The following CIAO3 variants were observed in gnomAD, a reference collection of about 807,000 sequenced individuals.
CIAO3 encodes the protein LET1 like/JFP15.
CIAO3 carries 45 observed loss-of-function variants against 51.5 expected under a neutral mutation model. That is an observed-to-expected ratio of 0.87 (90% CI 0.69 to 1.12). The LOEUF (loss-of-function observed/expected upper bound fraction) is 1.12. Ranked by LOEUF, CIAO3 falls within the 50% of genes most tolerant of loss-of-function variation. The pLI is 0.00. For synonymous variants in CIAO3, 314 were observed against 269.3 expected (o/e 1.17, Z -1.63); for missense variants, 668 against 632.5 (o/e 1.06, Z -0.60).
chr16:733,344 GA>G lies in CIAO3; in HGVS notation c.776del (p.Phe259SerfsTer86). ...CATCCCGTGTCTGGTGCTCCTGGTT[GA>G]AAAAGTCGGGTCTGGAGGCTTCCAG... ...KKLEASRPDF[F>X]NQEHQTRDVD... On this transcript the variant is annotated frameshift_variant, in exon 7 of 11. Transcript: ENST00000251588. LOFTEE classifies it high-confidence loss of function. 1 of 1,613,856 alleles carries G rather than the reference GA, an allele frequency of 6.2e-7. No homozygotes were observed. Among genetic ancestry groups the G allele is most frequent in the South Asian group, 1.1e-5 (1 of 91,090 alleles).
In CIAO3 at chr16:734,856, A is replaced by T. The variant is rs141771283; in HGVS notation, c.455T>A (p.Phe152Tyr). 2.7e-4 allele frequency: 427 copies of T among 1,566,704 alleles called. No homozygotes were observed. The African/African-American group carries it at 5.3e-3, about 19-fold the overall frequency. ...FFKKIGVHFV[F>Y]DTAFSRHFSL... ...GAAGTGCCTTGAGAAGGCGGTGTCG[A>T]AGACGAAGTGCACCCCTGGAAGGTG... is the stretch of plus-strand genomic sequence containing the variant. Residue 152 changes from phenylalanine to tyrosine, a missense_variant, in exon 5 of 11, where the codon TTC (phenylalanine) becomes TAC (tyrosine). Coordinates refer to ENST00000251588, the MANE Select transcript of CIAO3 (RefSeq NM_022493.3).
Position 731,628 on chromosome 16 carries a change from A to G in CIAO3, c.971T>C (p.Phe324Ser), listed in dbSNP as rs570351251. The G allele has an allele frequency of 1.3e-6, 2 of 1,561,648 alleles. No homozygotes were observed. Among genetic ancestry groups the G allele is most frequent in the Admixed American group, 3.8e-5 (2 of 52,928 alleles). The change falls in exon 9 of 11, where the codon TTC becomes TCC. Residue 324 changes from phenylalanine (F) to serine (S), a missense_variant. Phe to Ser is a radical substitution (Grantham distance 155, BLOSUM62 -2). Transcript: ENST00000251588. ...AAAGAGCTCTCGGGCCGCGTGCCGGAACACGTGCTCCAGGTAGCCCCCCGA... is the reference window on the plus strand; with the variant it reads ...AAAGAGCTCTCGGGCCGCGTGCCGGGACACGTGCTCCAGGTAGCCCCCCGA... ...GGSGGYLEHV[F>S]RHAARELFGI... is the part of the protein sequence containing the mutation.
In CIAO3 at chr16:730,405, G is replaced by A. The variant is rs2041260337; in HGVS notation, c.*12C>T. ...TGGACACGGCCTCCTGGGAGTCCTG[G>A]TCCTGCAGCCCCTACCACCGGATGC... On this transcript the variant is annotated 3_prime_UTR_variant, in exon 11 of 11. Transcript: ENST00000251588. 1 of 1,597,672 alleles carries A rather than the reference G, an allele frequency of 6.3e-7. No homozygotes were observed. The highest frequency in any genetic ancestry group is 2.2e-5 in the East Asian group (1 of 44,832).
In CIAO3 at chr16:732,366, A is replaced by G. The variant is rs1336164783; in HGVS notation, c.831T>C (p.Val277=). Residue 277 remains valine (V), a synonymous_variant, in exon 8 of 11, where the codon GTT becomes GTC. Transcript: ENST00000251588. ...CGCCCTCTTCCTCCAGCAACCTGAAAACTTCTCCTGCAAAGAAGCCACAGC... is the reference window on the plus strand; with the variant it reads ...CGCCCTCTTCCTCCAGCAACCTGAAGACTTCTCCTGCAAAGAAGCCACAGC... ...DVDCVLTTGE[V]FRLLEEEGVS... is the part of the protein sequence containing the mutation. 1.9e-6 allele frequency: 3 copies of G among 1,612,756 alleles called. No individual in the cohort carries two copies. The highest frequency in any genetic ancestry group is 2.2e-5 in the East Asian group (1 of 44,896).
In CIAO3 at chr16:737,422, A is replaced by G; in HGVS notation, c.163-93T>C. The stretch of plus-strand genomic sequence containing the variant: ...GGAGTCCAGCTCATAACCGACAACC[A>G]ACATGGCTGCTGGCTGGGCTTGTGT... On this transcript the variant is annotated intron_variant, in intron 2 of 10. Coordinates refer to ENST00000251588, the MANE Select transcript of CIAO3 (RefSeq NM_022493.3). This position sits in a 1 kb window ranked among gnomAD's most constrained non-coding sequence, Gnocchi z 5.3. 1 of 1,590,672 alleles carries G rather than the reference A, an allele frequency of 6.3e-7. No individual in the cohort carries two copies. Among genetic ancestry groups the G allele is most frequent in the South Asian group, 1.1e-5 (1 of 89,564 alleles).
chr16:731,386 G>C, intron 9 of CIAO3, 179 bp downstream of exon 9: 1 of 835,520 alleles, frequency 1.2e-6, no homozygotes, highest in Non-Finnish European at 1.8e-6. Flanking sequence ...GTGCTTAGGT[G>C]CCTTCACACC....
chr16:733,311 A>G lies in CIAO3; in HGVS notation c.810T>C (p.Cys270=). 1 of 1,613,574 alleles carries G rather than the reference A, an allele frequency of 6.2e-7. No individual in the cohort carries two copies. The highest frequency in any genetic ancestry group is 8.5e-7 in the Non-Finnish European group (1 of 1,179,956). Reference sequence around the variant, plus strand: ...GCGTGACCGCACCTGTTGTGAGGACACAGTCCACATCCCGTGTCTGGTGCT... The same window carrying G: ...GCGTGACCGCACCTGTTGTGAGGACGCAGTCCACATCCCGTGTCTGGTGCT... ...NQEHQTRDVD[C]VLTTGEVFRL... is the part of the protein sequence containing the mutation. The change falls in exon 7 of 11, where the codon TGT becomes TGC. Residue 270 remains cysteine (C), a synonymous_variant. Transcript: ENST00000251588.
intron 3 of CIAO3, 67 bp from the exon 4 acceptor site, chr16:736,465 G>C (rs914713854): frequency 1.3e-6 from 2 of 1,595,106 alleles, no homozygotes; most frequent in Non-Finnish European, 8.5e-7. Flanking sequence ...GGCCAGAGCC[G>C]CACGGTGAGA....
chr16:738,641 C>T (rs143279928), intron 2 of CIAO3, among the ~76,000 whole-genome samples: 1,616 of 150,990 alleles, frequency 0.011, 26 homozygotes, highest in South Asian at 0.052. Context: ...CCTGAGCCAC[C>T]GCGCCAGGCC....
chr16:739,986 A>G (rs1197525995), intron 1 of CIAO3: 1 of 1,486,894 alleles, frequency 6.7e-7, no homozygotes, highest in East Asian at 2.7e-5. Context: ...CAGCGCCTGC[A>G]AACTACCCAC....
rs768985274 is a variant in CIAO3, at chr16:730,638, C to G, written c.1210G>C (p.Gly404Arg). 6.2e-7 allele frequency: 1 copy of G among 1,609,394 alleles called. No individual in the cohort carries two copies. The highest frequency in any genetic ancestry group is 8.5e-7 in the Non-Finnish European group (1 of 1,179,862). ...GGCCTGTCTGGGGCCTGGAGCTGGC[C>G]CCCGCCGTTCAGGCAGCCTATGGGA... ...ACPSGCLNGG[G>R]QLQAPDRPSR... The change falls in exon 11 of 11, where the codon GGC becomes CGC. Residue 404 changes from glycine to arginine, a missense_variant. Coordinates refer to ENST00000251588, the MANE Select transcript of CIAO3 (RefSeq NM_022493.3).
intron 4 of CIAO3, chr16:735,168 G>A (rs2041325539): frequency 2.7e-6 from 1 of 369,432 alleles, no homozygotes; most frequent in Non-Finnish European, 4.9e-6. Flanking sequence ...CAGCTCTTCA[G>A]CGTGGCTGGT....
chr16:736,083 A>G (rs577520506), intron 4 of CIAO3, among the ~76,000 whole-genome samples, 183 bp downstream of exon 4: 5 of 152,154 alleles, frequency 3.3e-5, no homozygotes, highest in Non-Finnish European at 4.4e-5. Context: ...TTCTGTGAGA[A>G]GGCCCTGCTC....
At chr16:740,802 C>T in intron 1 of CIAO3, 118 bp downstream of exon 1, 2 of 1,103,406 alleles carry the variant, frequency 1.8e-6, no homozygotes, top group South Asian at 1.4e-5. Flanking sequence ...CGGCCCAGAC[C>T]GGGCTCCCGG....
In CIAO3 at chr16:730,133, T is replaced by C; in HGVS notation, c.*284A>G. ...GACCAGCAGCAGCAAGGGCAGCACC[T>C]GTGGGCCTCGGCCCAGGGCCAACGG... is the stretch of plus-strand genomic sequence containing the variant. On this transcript the variant is annotated 3_prime_UTR_variant, in exon 11 of 11. Transcript: ENST00000251588. The C allele has an allele frequency of 1.9e-6, 1 of 535,844 alleles. No homozygotes were observed. The allele number at this position is 535,844 out of a possible 1,614,324, so 33.2% of individuals were successfully genotyped here. A position where few individuals can be genotyped will look rare whatever the true frequency, so the allele number is the denominator to read the frequency against.
intron 3 of CIAO3, among the ~76,000 whole-genome samples, chr16:736,826 G>T (rs141144790): frequency 9.2e-5 from 14 of 152,252 alleles, no homozygotes; most frequent in African/African-American, 3.1e-4. Flanking sequence ...ACCACACCTG[G>T]CTAATTCTTG....
intron 4 of CIAO3, 128 bp from the exon 5 acceptor site, chr16:734,999 G>C: frequency 7.6e-7 from 1 of 1,312,320 alleles, no homozygotes; most frequent in Non-Finnish European, 1.0e-6. Context: ...CCAAAGCCCC[G>C]GCCCCACCGT....
intron 2 of CIAO3, 59 bp downstream of exon 2, chr16:739,584 G>A: frequency 2.0e-6 from 3 of 1,532,536 alleles, no homozygotes; most frequent in Middle Eastern, 1.7e-4. Flanking sequence ...AGGAAGCAGA[G>A]AAAAGTGTTT....
chr16:740,962 C>A lies in CIAO3; in HGVS notation c.24G>T (p.Ala8=). 1 of 1,517,160 alleles carries A rather than the reference C, an allele frequency of 6.6e-7. No homozygotes were observed. Among genetic ancestry groups the A allele is most frequent in the Non-Finnish European group, 8.8e-7 (1 of 1,136,272 alleles). The allele number at this position is 1,517,160 out of a possible 1,614,324, so 94.0% of individuals were successfully genotyped here. A position where few individuals can be genotyped will look rare whatever the true frequency, so the allele number is the denominator to read the frequency against. The part of the protein sequence containing the change: MASPFSG[A]LQLTDLDDFI... ...AGTCATCCAGGTCCGTCAGCTGCAG[C>A]GCCCCGCTGAAGGGCGACGCCATGA... The change falls in exon 1 of 11, where the codon GCG becomes GCT. Residue 8 remains alanine (A), a synonymous_variant. Coordinates refer to ENST00000251588, the MANE Select transcript of CIAO3 (RefSeq NM_022493.3).
Sources: gnomAD v4.1 joint callset for allele counts (sites outside exome capture counted in the v4.1 genomes callset) on GRCh38, gnomAD v4.1.1 for gene constraint, Gnocchi (gnomAD v3.1) non-coding constraint, MANE v1.5 for transcripts, NCBI Gene and HGNC (gene_info 2026-07-23, HGNC 2026-07-21) for gene names.